The following ZNF709 variants were observed in gnomAD, a reference collection of about 807,000 sequenced individuals.
ZNF709 encodes the protein zinc finger protein 709.
In ZNF709, 15 loss-of-function variants were observed where a neutral mutation model predicts 10.6. The observed-to-expected ratio is 1.41, with a 90% CI of 0.95 to 2.18. The LOEUF (loss-of-function observed/expected upper bound fraction) is 2.18, where lower values mean the gene tolerates loss of function less well. Ranked by LOEUF, ZNF709 falls within the 30% of genes most tolerant of loss-of-function variation. The pLI is 0.00. For synonymous variants in ZNF709, 194 were observed against 238.8 expected, an observed-to-expected ratio of 0.81 and a Z score of 1.73; for missense variants, 589 against 774.0, an observed-to-expected ratio of 0.76 and a Z score of 2.84.
chr19:12,480,028 G>A (rs1213843315), intron 1 of ZNF709, among the ~76,000 whole-genome samples: 1 of 152,032 alleles, frequency 6.6e-6, no homozygotes, highest in African/African-American at 2.4e-5. Flanking sequence ...ATAATTAGGT[G>A]GGCATGGTGG....
rs987202141 is a variant in ZNF709 at position 12,465,355 on chromosome 19, A to G, written c.567T>C (p.Thr189=). ...ATTCATAAGGTTTCTCTCCAGTATG[A>G]GTTCTTTCATGTATTTGAAAGGAAC... ...WPSSFQIHER[T]HTGEKPYECK... The change falls in exon 4 of 4, where the codon ACT becomes ACC. Residue 189 remains threonine (T), a synonymous_variant. Transcript: ENST00000397732. 5 of 1,613,222 alleles carry G rather than the reference A, an allele frequency of 3.1e-6. No individual in the cohort carries two copies. The highest frequency in any genetic ancestry group is 3.4e-6 in the Non-Finnish European group (4 of 1,179,782).
Position 12,463,807 on chromosome 19 carries a change from G to T in ZNF709, c.*189C>A, listed in dbSNP as rs1970536552. ...GTGGGCATGGTCGTTCACACCTGTT[G>T]TCCCAGCTACTCAGGAAGCTGAGGC... On this transcript the variant is annotated 3_prime_UTR_variant, in exon 4 of 4. Transcript: ENST00000397732. 3 of 430,774 alleles carry T rather than the reference G, an allele frequency of 7.0e-6. No homozygotes were observed. The highest frequency in any genetic ancestry group is 7.9e-6 in the Non-Finnish European group (2 of 251,668). The allele number at this position is 430,774 out of a possible 1,614,324, so 26.7% of individuals were successfully genotyped here.
intron 1 of ZNF709, among the ~76,000 whole-genome samples, chr19:12,483,228 C>A (rs1446624423): frequency 1.3e-5 from 2 of 151,976 alleles, no homozygotes; most frequent in Non-Finnish European, 2.9e-5. Context: ...GCAGCCTCAA[C>A]TTCCCAGGCT....
At chr19:12,472,250 G>A (rs1436902489) in intron 1 of ZNF709, among the ~76,000 whole-genome samples, 2 of 152,104 alleles carry the variant, frequency 1.3e-5, no homozygotes, top group Non-Finnish European at 2.9e-5. Flanking sequence ...GGCCAGGCAC[G>A]GTGGCTCACA....
intron 1 of ZNF709, among the ~76,000 whole-genome samples, chr19:12,479,225 C>T (rs555897446): frequency 3.9e-5 from 6 of 152,122 alleles, no homozygotes; most frequent in Admixed American, 3.9e-4. Flanking sequence ...ATCACTTGAG[C>T]CCAGGAGGTT....
rs367601851 is a variant in ZNF709 at position 12,466,785 on chromosome 19, G to A, written c.69C>T (p.Pro23=). 1.9e-6 allele frequency: 3 copies of A among 1,613,902 alleles called. No individual in the cohort carries two copies. The African/African-American group carries it at 4.0e-5, about 22-fold the overall frequency. The change falls in exon 2 of 4, where the codon CCC becomes CCT. Residue 23 remains proline, a synonymous_variant. Coordinates refer to ENST00000397732, the MANE Select transcript of ZNF709 (RefSeq NM_152601.4). Reference sequence around the variant, plus strand: ...CATCTCTGTAGAGTTTCTTCTGAGAGGGACCCAGCAAAGCCCACTCCTCCT... The same window carrying A: ...CATCTCTGTAGAGTTTCTTCTGAGAAGGACCCAGCAAAGCCCACTCCTCCT... The part of the protein sequence containing the change: ...FTQEEWALLG[P]SQKKLYRDVM...
rs182169400 is a variant in ZNF709, at chr19:12,462,561, T to C, written c.*1435A>G. On this transcript the variant is annotated 3_prime_UTR_variant, in exon 4 of 4. Transcript: ENST00000397732. ...TCCAATGAGAGAGTATACTGTATGA[T>C]AAACTTTGCAGACTCAAAAATTTAT... The C allele has an allele frequency of 9.8e-5, 15 of 152,310 alleles. No individual in the cohort carries two copies. Among genetic ancestry groups the C allele is most frequent in the East Asian group, 7.7e-4 (4 of 5,190 alleles). 9.4% of individuals were successfully genotyped at this position (152,310 alleles called of 1,614,324 possible).
chr19:12,469,929 G>C (rs1436908597), intron 1 of ZNF709, among the ~76,000 whole-genome samples: 1 of 152,104 alleles, frequency 6.6e-6, no homozygotes. Context: ...TTGAGTAACA[G>C]GTTAACAGTT....
At chr19:12,466,877 G>C in intron 1 of ZNF709, 27 bp from the exon 2 acceptor site, 3 of 1,602,720 alleles carry the variant, frequency 1.9e-6, no homozygotes, top group Non-Finnish European at 2.6e-6. Context: ...GTATAGGGGA[G>C]GATGGGTGAG....
intron 1 of ZNF709, among the ~76,000 whole-genome samples, chr19:12,472,521 C>A (rs370381251): frequency 6.1e-3 from 518 of 84,498 alleles, no homozygotes; most frequent in East Asian, 0.02. Flanking sequence ...GACTCCATCT[C>A]AAAAAAAAAA....
intron 1 of ZNF709, among the ~76,000 whole-genome samples, chr19:12,481,719 CA>C (rs1402793488): frequency 6.6e-6 from 1 of 151,558 alleles, no homozygotes; most frequent in Non-Finnish European, 1.5e-5. Context: ...GAAAAAAAAA[CA>C]CCAGCCTGGA....
chr19:12,480,624 G>A lies in ZNF709; in HGVS notation c.3+4031C>T, dbSNP rs572595716. 4.2e-4 allele frequency among the ~76,000 whole-genome samples: 63 copies of A among 151,698 alleles called. 1 individual carries two copies. The highest frequency in any genetic ancestry group is 1.4e-3 in the African/African-American group (59 of 41,386). ...CGTGAACCTGGGAGGCAGAGCTTGC[G>A]GTGAGCCGAGATCGCGCCACTGCAC... On this transcript the variant is annotated intron_variant, in intron 1 of 3. Transcript: ENST00000397732.
At chr19:12,468,014 G>A (rs1171834737) in intron 1 of ZNF709, among the ~76,000 whole-genome samples, 2 of 149,546 alleles carry the variant, frequency 1.3e-5, no homozygotes, top group South Asian at 2.1e-4. Flanking sequence ...CGCCCCGTCC[G>A]GGAGGGAGGT....
chr19:12,481,284 G>T, intron 1 of ZNF709: 1 of 624,624 alleles, frequency 1.6e-6, no homozygotes, highest in Non-Finnish European at 2.0e-6. Flanking sequence ...AGGCTGGATT[G>T]CAGTGCACAA....
Position 12,464,363 on chromosome 19 carries a change from C to T in ZNF709, c.1559G>A (p.Arg520Gln), listed in dbSNP as rs371387854. The change falls in exon 4 of 4, where the codon CGA (arginine) becomes CAA (glutamine). Residue 520 changes from arginine to glutamine, a missense_variant. By Grantham distance (43) the Arg-to-Gln change is conservative. This residue lies in a region of ZNF709 where 171 missense variants were observed against 277.7 expected (regional missense o/e 0.62). Coordinates refer to ENST00000397732, the MANE Select transcript of ZNF709 (RefSeq NM_152601.4). ...GKAFSCSSSFRMHERTHTGEK... is the reference protein window; with the variant it reads ...GKAFSCSSSFQMHERTHTGEK... ...CCCAGTGTGAGTCCTTTCATGCATT[C>T]GAAAGGAACTGGAACAACTGAAGGC... is the stretch of plus-strand genomic sequence containing the variant. 12 of 1,611,984 alleles carry T rather than the reference C, an allele frequency of 7.4e-6. No individual in the cohort carries two copies. Among genetic ancestry groups the T allele is most frequent in the Admixed American group, 3.3e-5 (2 of 59,812 alleles).
intron 1 of ZNF709, among the ~76,000 whole-genome samples, chr19:12,477,730 C>T (rs1970688262): frequency 6.6e-6 from 1 of 152,088 alleles, no homozygotes; most frequent in African/African-American, 2.4e-5. Flanking sequence ...GTCTAAATTC[C>T]TTTAGTCTAT....
At chr19:12,482,183 A>ACACACACACACACC (rs1555694487) in intron 1 of ZNF709, among the ~76,000 whole-genome samples, 1 of 149,880 alleles carries the variant, frequency 6.7e-6, no homozygotes, top group Admixed American at 6.7e-5. Flanking sequence ...ACACACACAC[A>ACACACACACACACC]CGCTCCCTCT....
chr19:12,474,717 G>C (rs1245686059), intron 1 of ZNF709, among the ~76,000 whole-genome samples: 2 of 152,068 alleles, frequency 1.3e-5, no homozygotes, highest in African/African-American at 4.8e-5. Context: ...ATATGTCTTA[G>C]CAGAAACCTT....
chr19:12,483,413 C>A (rs1164955635), intron 1 of ZNF709, among the ~76,000 whole-genome samples: 3 of 151,684 alleles, frequency 2.0e-5, no homozygotes, highest in Non-Finnish European at 4.4e-5. Flanking sequence ...CTCAGCCTCC[C>A]AAAGTGCTGA....
Sources: gnomAD v4.1 joint callset for allele counts (sites outside exome capture counted in the v4.1 genomes callset) on GRCh38, gnomAD v4.1.1 for gene constraint, gnomAD v4.1.1 regional missense constraint, MANE v1.5 for transcripts, NCBI Gene and HGNC (gene_info 2026-07-23, HGNC 2026-07-21) for gene names.